The following USP14 variants were observed in gnomAD, a reference collection of about 807,000 sequenced individuals.
The protein encoded by USP14 is ubiquitin carboxyl-terminal hydrolase 14.
Under a neutral mutation model 76.5 loss-of-function variants are expected in USP14, and 38 were observed. The observed-to-expected ratio is 0.50, with a 90% CI of 0.38 to 0.65. The LOEUF (loss-of-function observed/expected upper bound fraction) is 0.65, where lower values mean the gene tolerates loss of function less well. USP14 is among the 30% of genes least tolerant of loss of function. The pLI is 0.00. For synonymous variants in USP14, 192 were observed against 191.7 expected (o/e 1.00, Z -0.01); for missense variants, 467 against 586.5 (o/e 0.80, Z 2.10).
At chr18:158,827 G>A (rs1909029166) in intron 1 of USP14, 113 bp downstream of exon 1, 1 of 1,259,378 alleles carries the variant, frequency 7.9e-7, no homozygotes, top group South Asian at 3.0e-5. Flanking sequence ...CCGGGGTGGG[G>A]TGCGCGGGGC....
In USP14 at chr18:167,653, G is replaced by A. The variant is rs973405372; in HGVS notation, c.195+834G>A. Among the ~76,000 whole-genome samples the A allele has an allele frequency of 5.3e-5, 8 of 151,890 alleles. No homozygotes were observed. The East Asian group carries it at 7.8e-4, about 15-fold the overall frequency. On this transcript the variant is annotated intron_variant, in intron 3 of 15. Coordinates refer to ENST00000261601, the MANE Select transcript of USP14 (RefSeq NM_005151.4). The stretch of plus-strand genomic sequence containing the variant: ...TCCAAGTAGCTGGGACCACAGGCGG[G>A]TGTTACCATGCCCAGTTAATTAATT...
intron 5 of USP14, among the ~76,000 whole-genome samples, chr18:188,758 A>G (rs1184788793): frequency 6.7e-6 from 1 of 149,910 alleles, no homozygotes; most frequent in East Asian, 1.9e-4. Context: ...GCTCACTGCA[A>G]CCTCCGCCTC....
chr18:199,394 C>A, intron 10 of USP14, 78 bp downstream of exon 10: 2 of 990,274 alleles, frequency 2.0e-6, no homozygotes, highest in Admixed American at 2.0e-5. Flanking sequence ...ATTCACTGGG[C>A]TTTAATGGTC....
intron 2 of USP14, among the ~76,000 whole-genome samples, chr18:165,226 C>T (rs1488368999): frequency 6.6e-6 from 1 of 152,152 alleles, no homozygotes; most frequent in East Asian, 1.9e-4. Context: ...GGATTACAGG[C>T]GTGAGCCACC....
At chr18:173,274 T>C (rs561702397) in intron 3 of USP14, among the ~76,000 whole-genome samples, 59 of 147,290 alleles carry the variant, frequency 4.0e-4, no homozygotes, top group African/African-American at 1.4e-3. Flanking sequence ...CACCCGGCTA[T>C]TTTTTTTGTA....
chr18:182,544 A>G (rs1909814352), intron 5 of USP14, among the ~76,000 whole-genome samples: 1 of 152,220 alleles, frequency 6.6e-6, no homozygotes, highest in South Asian at 2.1e-4. Context: ...CTGATATATT[A>G]TCAGTGAACA....
rs1403348196 is a variant in USP14 at position 214,255 on chromosome 18, A to G, written c.*2971A>G. ...GAACAGAGCAGTCATATGGTTTCAG[A>G]AAGTGTTATTCTGGGATTTCAGGAT... On this transcript the variant is annotated 3_prime_UTR_variant, in exon 16 of 16. Coordinates refer to ENST00000261601, the MANE Select transcript of USP14 (RefSeq NM_005151.4). 1.0e-5 allele frequency: 2 copies of G among 191,788 alleles called. No homozygotes were observed. Among genetic ancestry groups the G allele is most frequent in the Non-Finnish European group, 2.2e-5 (2 of 92,790 alleles). 11.9% of individuals were successfully genotyped at this position (191,788 alleles called of 1,614,324 possible).
Position 189,630 on chromosome 18 carries a change from G to C in USP14, c.405-3212G>C, listed in dbSNP as rs145294436. Among the ~76,000 whole-genome samples the C allele has an allele frequency of 7.9e-5, 12 of 152,106 alleles. No individual in the cohort carries two copies. In the South Asian group the frequency reaches 2.5e-3, roughly 32 times the overall value. On this transcript the variant is annotated intron_variant, in intron 5 of 15. Coordinates refer to ENST00000261601, the MANE Select transcript of USP14 (RefSeq NM_005151.4). The stretch of plus-strand genomic sequence containing the variant: ...CCTGAGTAGCTGGGACTACAGGCGC[G>C]TGTCACAACGCCCAGCTAGTTTTTG...
rs1326830836 is a variant in USP14 at position 197,936 on chromosome 18, C to T, written c.676-111C>T. 15 of 905,934 alleles carry T rather than the reference C, an allele frequency of 1.7e-5. No homozygotes were observed. In the East Asian group the frequency reaches 2.7e-4, roughly 16 times the overall value. The allele number at this position is 905,934 out of a possible 1,614,324, so 56.1% of individuals were successfully genotyped here. ...TGGTAATGTTTTTTGAAGGATTTTA[C>T]TGTAAGGGACTACATTTTTAAAAAA... On this transcript the variant is annotated intron_variant, in intron 8 of 15. Coordinates refer to ENST00000261601, the MANE Select transcript of USP14 (RefSeq NM_005151.4).
intron 5 of USP14, among the ~76,000 whole-genome samples, chr18:186,338 TC>T (rs984681483): frequency 7.9e-5 from 12 of 152,116 alleles, no homozygotes; most frequent in African/African-American, 2.7e-4. Flanking sequence ...CACCTGTAGT[TC>T]CAGCTACTCA....
At chr18:193,389 A>G (rs1360190476) in intron 6 of USP14, among the ~76,000 whole-genome samples, 1 of 152,170 alleles carries the variant, frequency 6.6e-6, no homozygotes, top group Non-Finnish European at 1.5e-5. Flanking sequence ...GGTTAGGTCA[A>G]TAGGGTTTTA....
chr18:214,505 C>T lies in USP14; in HGVS notation c.*3221C>T, dbSNP rs982196497. 1.2e-6 allele frequency: 1 copy of T among 801,300 alleles called. No homozygotes were observed. The highest frequency in any genetic ancestry group is 1.9e-6 in the Non-Finnish European group (1 of 519,998). The allele number at this position is 801,300 out of a possible 1,614,324, so 49.6% of individuals were successfully genotyped here. On this transcript the variant is annotated 3_prime_UTR_variant, in exon 16 of 16. Transcript: ENST00000261601. ...TGTTCTATTGTTCTCAGAGCACCAGCCGACTGTACAACAATTGTTATAAAA... is the reference window on the plus strand; with the variant it reads ...TGTTCTATTGTTCTCAGAGCACCAGTCGACTGTACAACAATTGTTATAAAA...
rs1910708941 is a variant in USP14, at chr18:212,842, C to A, written c.*1558C>A. ...ATTTATAATAAAGTTTGGGGATTAT[C>A]ATAACATCTCATATCTTTGTGTATG... On this transcript the variant is annotated 3_prime_UTR_variant, in exon 16 of 16. Transcript: ENST00000261601. 1 of 152,170 alleles carries A rather than the reference C, an allele frequency of 6.6e-6. No homozygotes were observed. The highest frequency in any genetic ancestry group is 1.5e-5 in the Non-Finnish European group (1 of 68,032). 9.4% of individuals were successfully genotyped at this position (152,170 alleles called of 1,614,324 possible). A position where few individuals can be genotyped will look rare whatever the true frequency, so the allele number is the denominator to read the frequency against.
intron 13 of USP14, among the ~76,000 whole-genome samples, chr18:209,038 A>G (rs1910602197): frequency 6.6e-6 from 1 of 152,236 alleles, no homozygotes; most frequent in Non-Finnish European, 1.5e-5. Flanking sequence ...TATTAAATTT[A>G]AATGTGATTT....
chr18:203,815 G>T (rs2143087218), intron 12 of USP14, among the ~76,000 whole-genome samples: 1 of 152,000 alleles, frequency 6.6e-6, no homozygotes, highest in South Asian at 2.1e-4. Flanking sequence ...TTTCACCGTG[G>T]TCTCAATCTC....
chr18:208,706 T>G (rs148317164), intron 13 of USP14, among the ~76,000 whole-genome samples: 1 of 152,282 alleles, frequency 6.6e-6, no homozygotes, highest in East Asian at 1.9e-4. Flanking sequence ...TTTGATGCCA[T>G]TGTGGTGACA....
chr18:163,817 G>GT (rs68144137), intron 2 of USP14, among the ~76,000 whole-genome samples: 22,310 of 143,960 alleles, frequency 0.15, 1,858 homozygotes, highest in African/African-American at 0.22. Flanking sequence ...CCGATAGGTA[G>GT]TTTTTTTTTT....
chr18:187,914 A>C (rs897626404), intron 5 of USP14, among the ~76,000 whole-genome samples: 3 of 152,170 alleles, frequency 2.0e-5, no homozygotes, highest in Non-Finnish European at 2.9e-5. Flanking sequence ...ATTTATGAGG[A>C]AATAAGGCAT....
chr18:197,056 C>G (rs1259017849), intron 7 of USP14, among the ~76,000 whole-genome samples: 2 of 152,210 alleles, frequency 1.3e-5, no homozygotes, highest in East Asian at 3.9e-4. Flanking sequence ...AGTCCTAAAT[C>G]CTCTAGCCCC....
Sources: allele counts gnomAD v4.1 joint callset (sites outside exome capture counted in the v4.1 genomes callset), GRCh38; gene constraint gnomAD v4.1.1; transcripts MANE v1.5; gene names NCBI Gene and HGNC (gene_info 2026-07-23, HGNC 2026-07-21).